CHMP5: variants seen among roughly 807,000 people sequenced by gnomAD.
CHMP5 encodes the protein SNF7 domain containing 2.
A neutral mutation model predicts 33.0 loss-of-function variants in CHMP5; 17 were observed. The observed-to-expected ratio is 0.52, with a 90% CI of 0.35 to 0.77. CHMP5 has a LOEUF of 0.77. Ranked by LOEUF, CHMP5 falls within the 30% of genes least tolerant of loss-of-function variation. The pLI, the probability that CHMP5 is intolerant of heterozygous loss-of-function variation, is 0.01. For synonymous variants in CHMP5, 76 were observed against 90.2 expected (o/e 0.84, Z 0.89); for missense variants, 216 against 261.5 (o/e 0.83, Z 1.20).
At position 33,265,219 on chromosome 9, in the gene CHMP5, G is replaced by A. The variant is rs1483021564; in HGVS notation, c.69+72G>A. On this transcript the variant is annotated intron_variant, in intron 1 of 7. Coordinates refer to ENST00000223500, the MANE Select transcript of CHMP5 (RefSeq NM_016410.6). ...CCGACCCCGCCCACCCCCAGCCCCG[G>A]GCCCATATTCTTCCACTTCATTTCG... 3 of 1,379,626 alleles carry A rather than the reference G, an allele frequency of 2.2e-6. No homozygotes were observed. The Admixed American group carries it at 5.3e-5, about 25-fold the overall frequency. 85.5% of individuals were successfully genotyped at this position (1,379,626 alleles called of 1,614,324 possible). A position where few individuals can be genotyped will look rare whatever the true frequency, so the allele number is the denominator to read the frequency against.
chr9:33,266,386 C>A (rs1004241550), intron 2 of CHMP5, among the ~76,000 whole-genome samples: 1 of 152,162 alleles, frequency 6.6e-6, no homozygotes, highest in African/African-American at 2.4e-5. Context: ...GCAGGAGAAT[C>A]GCTTGAACCT....
chr9:33,278,862 G>A (rs1820886485), intron 7 of CHMP5, among the ~76,000 whole-genome samples: 2 of 152,110 alleles, frequency 1.3e-5, no homozygotes, highest in African/African-American at 2.4e-5. Context: ...TAATTGTTGT[G>A]CAAGCAAATT....
chr9:33,274,825 A>C (rs1160358397), intron 5 of CHMP5, among the ~76,000 whole-genome samples: 2 of 152,188 alleles, frequency 1.3e-5, no homozygotes, highest in Non-Finnish European at 2.9e-5. Flanking sequence ...CATGTTGCCC[A>C]GACTGGTTGC....
intron 2 of CHMP5, among the ~76,000 whole-genome samples, chr9:33,266,563 G>A (rs1279606468): frequency 6.6e-6 from 1 of 152,198 alleles, no homozygotes; most frequent in African/African-American, 2.4e-5. Context: ...ACATGTGAGG[G>A]TGTATCCTTT....
At position 33,281,931 on chromosome 9, in the gene CHMP5, T is replaced by A. The variant is rs901451918; in HGVS notation, c.*1072T>A. On this transcript the variant is annotated 3_prime_UTR_variant, in exon 8 of 8. Coordinates refer to ENST00000223500, the MANE Select transcript of CHMP5 (RefSeq NM_016410.6). ...AACTCCTGCCCAATTTCAGGGTCTT[T>A]AATGATCCTGTCCTCCCTTCCTCAT... 4.6e-5 allele frequency: 7 copies of A among 152,266 alleles called. No individual in the cohort carries two copies. The highest frequency in any genetic ancestry group is 1.7e-4 in the African/African-American group (7 of 41,478). The allele number at this position is 152,266 out of a possible 1,614,324, so 9.4% of individuals were successfully genotyped here.
chr9:33,277,065 G>A (rs557889620), intron 6 of CHMP5, among the ~76,000 whole-genome samples: 31 of 151,932 alleles, frequency 2.0e-4, no homozygotes, highest in South Asian at 4.2e-4. Flanking sequence ...GCATGGTGGT[G>A]TGCGCCTGCG....
At chr9:33,269,722 C>T (rs1024410432) in intron 3 of CHMP5, among the ~76,000 whole-genome samples, 1 of 152,098 alleles carries the variant, frequency 6.6e-6, no homozygotes, top group African/African-American at 2.4e-5. Context: ...TGCCTGTAAT[C>T]CCAGCACTTT....
chr9:33,274,937 C>T (rs542056903), intron 5 of CHMP5, among the ~76,000 whole-genome samples: 11 of 152,252 alleles, frequency 7.2e-5, no homozygotes, highest in African/African-American at 2.6e-4. Context: ...TTAATAATTC[C>T]ATTTTACAGA....
chr9:33,266,181 G>C, intron 2 of CHMP5, 67 bp downstream of exon 2: 1 of 1,044,124 alleles, frequency 9.6e-7, no homozygotes, highest in Admixed American at 1.9e-5. Flanking sequence ...ATAGAAATAG[G>C]GCCTAGTTCG....
At chr9:33,266,230 T>C (rs1290235603) in intron 2 of CHMP5, 116 bp downstream of exon 2, 1 of 583,762 alleles carries the variant, frequency 1.7e-6, no homozygotes, top group Admixed American at 2.9e-5. Flanking sequence ...CCCAGCACTT[T>C]GGGAGGCTGA....
chr9:33,281,085 G>T lies in CHMP5; in HGVS notation c.*226G>T. 1 of 430,344 alleles carries T rather than the reference G, an allele frequency of 2.3e-6. No individual in the cohort carries two copies. The highest frequency in any genetic ancestry group is 4.1e-6 in the Non-Finnish European group (1 of 244,444). 26.7% of individuals were successfully genotyped at this position (430,344 alleles called of 1,614,324 possible). A position where few individuals can be genotyped will look rare whatever the true frequency, so the allele number is the denominator to read the frequency against. The stretch of plus-strand genomic sequence containing the variant: ...TTTTTTCTTATGAAAAACGAACTCA[G>T]TTTAAAAGTATTTTTAGCTCGTATG... On this transcript the variant is annotated 3_prime_UTR_variant, in exon 8 of 8. Coordinates refer to ENST00000223500, the MANE Select transcript of CHMP5 (RefSeq NM_016410.6).
At chr9:33,276,388 G>A (rs1820854760) in intron 5 of CHMP5, 68 bp from the exon 6 acceptor site, 6 of 823,280 alleles carry the variant, frequency 7.3e-6, no homozygotes, top group Non-Finnish European at 1.0e-5. Flanking sequence ...AAAGGAGAAT[G>A]TAGGGGAAAA....
chr9:33,266,088 A>G lies in CHMP5; in HGVS notation c.148A>G (p.Lys50Glu), dbSNP rs750392835. ...AELVKYKDQIKKMREGPAKNM... is the reference protein window; with the variant it reads ...AELVKYKDQIEKMREGPAKNM... ...GCTAGTGAAGTATAAGGATCAGATC[A>G]AGAAGATGAGAGAGGGTCCTGCAAA... The change falls in exon 2 of 8, where the codon AAG becomes GAG. Residue 50 changes from lysine to glutamate, a missense_variant. Physicochemically the swap from Lys to Glu is moderately conservative, Grantham distance 56. Transcript: ENST00000223500. 1.4e-5 allele frequency: 23 copies of G among 1,612,674 alleles called. No individual in the cohort carries two copies. The highest frequency in any genetic ancestry group is 2.5e-6 in the Non-Finnish European group (3 of 1,179,000).
At chr9:33,265,954 C>T in intron 1 of CHMP5, 56 bp from the exon 2 acceptor site, 1 of 1,150,814 alleles carries the variant, frequency 8.7e-7, no homozygotes, top group African/African-American at 1.5e-5. Flanking sequence ...CTACCTGCCC[C>T]TTCTGGAATA....
intron 5 of CHMP5, among the ~76,000 whole-genome samples, chr9:33,274,316 C>T (rs574397497): frequency 3.0e-4 from 46 of 152,220 alleles, no homozygotes; most frequent in African/African-American, 9.9e-4. Context: ...TCAAGTGATC[C>T]GCCCTCTTTT....
chr9:33,270,061 T>C (rs1820775286), intron 3 of CHMP5, among the ~76,000 whole-genome samples: 1 of 152,230 alleles, frequency 6.6e-6, no homozygotes, highest in Admixed American at 6.5e-5. Flanking sequence ...TACAGTCATG[T>C]GCTGCATAAC....
At chr9:33,270,520 C>T (rs113820892) in intron 3 of CHMP5, 103 bp from the exon 4 acceptor site, 83 of 942,958 alleles carry the variant, frequency 8.8e-5, no homozygotes, top group African/African-American at 4.9e-4. Flanking sequence ...TTTTTTGTTC[C>T]GTTGTTTTTT....
chr9:33,278,577 A>T (rs1190286859), intron 7 of CHMP5, among the ~76,000 whole-genome samples: 1 of 151,406 alleles, frequency 6.6e-6, no homozygotes, highest in African/African-American at 2.4e-5. Context: ...AAAAAGTCTC[A>T]CTCTTCATAC....
At chr9:33,274,095 T>C (rs1056673796) in intron 5 of CHMP5, among the ~76,000 whole-genome samples, 2 of 152,134 alleles carry the variant, frequency 1.3e-5, no homozygotes, top group Non-Finnish European at 2.9e-5. Context: ...AATTTTCTTT[T>C]TTCTTTTTTT....
Sources: gnomAD v4.1 joint callset for allele counts (sites outside exome capture counted in the v4.1 genomes callset) on GRCh38, gnomAD v4.1.1 for gene constraint, MANE v1.5 for transcripts, NCBI Gene and HGNC (gene_info 2026-07-23, HGNC 2026-07-21) for gene names.